The following SV2B variants were observed in gnomAD, a reference collection of about 807,000 sequenced individuals.
SV2B encodes the protein solute carrier family 22 member B2.
Under a neutral mutation model 73.9 loss-of-function variants are expected in SV2B, and 41 were observed. The observed-to-expected ratio is 0.56, with a 90% CI of 0.43 to 0.72. The LOEUF (loss-of-function observed/expected upper bound fraction) is 0.72. SV2B is among the 30% of genes least tolerant of loss of function. The pLI is 0.00. For missense variants in SV2B, 764 were observed against 857.8 expected (o/e 0.89, Z 1.37); for synonymous variants, 314 against 314.2 (o/e 1.00, Z 0.01).
chr15:91,189,346 T>C (rs1244970052), intron 1 of SV2B, among the ~76,000 whole-genome samples: 1 of 152,204 alleles, frequency 6.6e-6, no homozygotes, highest in Non-Finnish European at 1.5e-5. Context: ...CACTTATGTA[T>C]ACTCATAAAA....
chr15:91,141,747 T>TC lies in SV2B; in HGVS notation c.-392+41384_-392+41385insC, dbSNP rs963918937. Among the ~76,000 whole-genome samples, 1 of 151,018 alleles carries TC rather than the reference T, an allele frequency of 6.6e-6. No homozygotes were observed. The highest frequency in any genetic ancestry group is 2.4e-5 in the African/African-American group (1 of 41,192). On this transcript the variant is annotated intron_variant, in intron 1 of 12. Transcript: ENST00000394232. This position sits in a 1 kb window ranked among gnomAD's most constrained non-coding sequence, Gnocchi z 4.6. Reference sequence around the variant, plus strand: ...CCAAATAGTTTGGGTTTTGTTTTGTTTTTTTTTTTGGACAGAGGTCACATT... The same window carrying TC: ...CCAAATAGTTTGGGTTTTGTTTTGTTCTTTTTTTTTGGACAGAGGTCACATT...
At chr15:91,155,630 A>G (rs1159658267) in intron 1 of SV2B, among the ~76,000 whole-genome samples, 3 of 152,136 alleles carry the variant, frequency 2.0e-5, no homozygotes, top group South Asian at 4.2e-4. Context: ...TCCGAGGGTC[A>G]GGGCTGGGGA....
chr15:91,271,681 C>T (rs75047385), intron 9 of SV2B, among the ~76,000 whole-genome samples: 1,870 of 152,212 alleles, frequency 0.012, 28 homozygotes, highest in African/African-American at 0.041. Context: ...TATTTTTCTC[C>T]TTGACTGGTT....
intron 1 of SV2B, among the ~76,000 whole-genome samples, chr15:91,190,277 A>T (rs1312306412): frequency 6.6e-6 from 1 of 152,084 alleles, no homozygotes; most frequent in Non-Finnish European, 1.5e-5. Context: ...TGATCTATGT[A>T]AGTGGTCATA....
intron 1 of SV2B, among the ~76,000 whole-genome samples, chr15:91,113,986 C>T (rs935571795): frequency 6.6e-5 from 10 of 151,976 alleles, no homozygotes; most frequent in Non-Finnish European, 1.2e-4. Flanking sequence ...ACTGTAGCTC[C>T]GGTGTCTAAC....
chr15:91,289,834 G>A lies in SV2B; in HGVS notation c.1868+154G>A, dbSNP rs2048982516. On this transcript the variant is annotated intron_variant, in intron 12 of 12. Transcript: ENST00000394232. This position sits in a 1 kb window ranked among gnomAD's most constrained non-coding sequence, Gnocchi z 4.9. ...TTTTATGTTGAGCTTCTCCTGCATG[G>A]TGGATGGCATAGACCTGAAAGTTGG... Among the ~76,000 whole-genome samples, 1 of 152,210 alleles carries A rather than the reference G, an allele frequency of 6.6e-6. No individual in the cohort carries two copies. Among genetic ancestry groups the A allele is most frequent in the Non-Finnish European group, 1.5e-5 (1 of 68,044 alleles).
intron 1 of SV2B, among the ~76,000 whole-genome samples, chr15:91,222,219 G>A (rs74040127): frequency 0.016 from 2,504 of 152,160 alleles, 61 homozygotes; most frequent in African/African-American, 0.055. Flanking sequence ...GCCCTGTGTC[G>A]TCTATCTAAG....
Position 91,242,213 on chromosome 15 carries a change from C to T in SV2B, c.452-9606C>T, listed in dbSNP as rs979098670. ...TTGGCTGCTCCTTCTTGTTCTCCATCACTGGTCTCTCTTCATATTCCTGGC... is the reference window on the plus strand; with the variant it reads ...TTGGCTGCTCCTTCTTGTTCTCCATTACTGGTCTCTCTTCATATTCCTGGC... On this transcript the variant is annotated intron_variant, in intron 2 of 12. Coordinates refer to ENST00000394232, the MANE Select transcript of SV2B (RefSeq NM_001323032.3). This position sits in a 1 kb window ranked among gnomAD's most constrained non-coding sequence, Gnocchi z 4.9. 2.6e-5 allele frequency among the ~76,000 whole-genome samples: 4 copies of T among 152,350 alleles called. 1 individual carries two copies. Among genetic ancestry groups the T allele is most frequent in the Admixed American group, 6.5e-5 (1 of 15,310 alleles).
chr15:91,201,719 A>G (rs2045466227), intron 1 of SV2B, among the ~76,000 whole-genome samples: 1 of 152,152 alleles, frequency 6.6e-6, no homozygotes, highest in South Asian at 2.1e-4. Flanking sequence ...CTTTGTTGCT[A>G]TCACATCTTT....
In SV2B at chr15:91,193,995, G is replaced by GT. The variant is rs199587537; in HGVS notation, c.-391-31870dup. On this transcript the variant is annotated intron_variant, in intron 1 of 12. Transcript: ENST00000394232. ...GCTAGGTAATCACCAGGGTATAGAG[G>GT]TTTTTTTTGTTTGTTTGTTTGTTTG... 9.7e-3 allele frequency among the ~76,000 whole-genome samples: 1,472 copies of GT among 151,006 alleles called. 16 individuals are homozygous for GT. The highest frequency in any genetic ancestry group is 0.033 in the African/African-American group (1,353 of 40,752).
At position 91,124,395 on chromosome 15, in the gene SV2B, CA is replaced by C. The variant is rs1346433442; in HGVS notation, c.-392+24034del. 1.3e-5 allele frequency among the ~76,000 whole-genome samples: 2 copies of C among 152,074 alleles called. No individual in the cohort carries two copies. The highest frequency in any genetic ancestry group is 4.8e-5 in the African/African-American group (2 of 41,398). ...CCTTCCTCAGGAAGTGAGACACCTG[CA>C]ACCGAGTGTGAGGTGCAGCAGCCAA... On this transcript the variant is annotated intron_variant, in intron 1 of 12. Coordinates refer to ENST00000394232, the MANE Select transcript of SV2B (RefSeq NM_001323032.3). This position sits in a 1 kb window ranked among gnomAD's most constrained non-coding sequence, Gnocchi z 4.6.
rs2048762738 is a variant in SV2B, at chr15:91,283,830, T to C, written c.1508-191T>C. On this transcript the variant is annotated intron_variant, in intron 10 of 12. Transcript: ENST00000394232. This position sits in a 1 kb window ranked among gnomAD's most constrained non-coding sequence, Gnocchi z 4.3. ...TTAGGAACTTGAACAGGTCATTACA[T>C]TTTTGGAAGTTTCTCTCCTCATCCA... 7.5e-6 allele frequency among the ~76,000 whole-genome samples: 1 copy of C among 133,240 alleles called. No individual in the cohort carries two copies. Among genetic ancestry groups the C allele is most frequent in the Non-Finnish European group, 1.6e-5 (1 of 62,660 alleles). 87.4% of individuals were successfully genotyped at this position (133,240 alleles called of 152,430 possible).
chr15:91,243,752 T>C (rs781051138), intron 2 of SV2B, among the ~76,000 whole-genome samples: 13 of 152,166 alleles, frequency 8.5e-5, no homozygotes, highest in Non-Finnish European at 1.6e-4. Flanking sequence ...GAGAACTTCT[T>C]CCTGATTTAA....
At chr15:91,166,092 T>C (rs2043902247) in intron 1 of SV2B, among the ~76,000 whole-genome samples, 1 of 152,192 alleles carries the variant, frequency 6.6e-6, no homozygotes, top group African/African-American at 2.4e-5. Flanking sequence ...GAATTGTTGT[T>C]CCCTTAATAT....
rs531215885 is a variant in SV2B, at chr15:91,132,087, C to G, written c.-392+31724C>G. Reference sequence around the variant, plus strand: ...CAAAGAATGGGACAAAAACGCCCAGCAAAGCAAAGAAAGAATGAAGCATCA... The same window carrying G: ...CAAAGAATGGGACAAAAACGCCCAGGAAAGCAAAGAAAGAATGAAGCATCA... On this transcript the variant is annotated intron_variant, in intron 1 of 12. Transcript: ENST00000394232. The surrounding 1 kb of genome is among the most constrained non-coding windows in gnomAD (Gnocchi z 4.6). Among the ~76,000 whole-genome samples the G allele has an allele frequency of 1.3e-5, 2 of 152,084 alleles. No individual in the cohort carries two copies. The highest frequency in any genetic ancestry group is 2.9e-5 in the Non-Finnish European group (2 of 68,014).
In SV2B at chr15:91,106,373, G is replaced by A. The variant is rs1302051990; in HGVS notation, c.-392+6010G>A. Among the ~76,000 whole-genome samples, 1 of 152,200 alleles carries A rather than the reference G, an allele frequency of 6.6e-6. No individual in the cohort carries two copies. Among genetic ancestry groups the A allele is most frequent in the Non-Finnish European group, 1.5e-5 (1 of 68,042 alleles). ...GAGCCAAGTCACTGCTGTATCACTAGTGCCCAGAATATTGTCTGGCACATT... is the reference window on the plus strand; with the variant it reads ...GAGCCAAGTCACTGCTGTATCACTAATGCCCAGAATATTGTCTGGCACATT... On this transcript the variant is annotated intron_variant, in intron 1 of 12. Coordinates refer to ENST00000394232, the MANE Select transcript of SV2B (RefSeq NM_001323032.3). This position sits in a 1 kb window ranked among gnomAD's most constrained non-coding sequence, Gnocchi z 4.4.
intron 2 of SV2B, among the ~76,000 whole-genome samples, chr15:91,250,033 A>T (rs1166234593): frequency 6.6e-6 from 1 of 152,262 alleles, no homozygotes; most frequent in Non-Finnish European, 1.5e-5. Context: ...CATTACTCTG[A>T]TACCAAAGCC....
intron 1 of SV2B, among the ~76,000 whole-genome samples, chr15:91,148,575 T>C (rs542743538): frequency 2.0e-5 from 3 of 152,138 alleles, no homozygotes; most frequent in African/African-American, 7.2e-5. Flanking sequence ...GAAAGTGAGA[T>C]GAAAAGGAGA....
chr15:91,117,291 G>A (rs150438846), intron 1 of SV2B, among the ~76,000 whole-genome samples: 4 of 152,276 alleles, frequency 2.6e-5, no homozygotes, highest in African/African-American at 9.6e-5. Context: ...TAATATTAAC[G>A]AGAATTCTAT....
Sources: allele counts gnomAD v4.1 joint callset (sites outside exome capture counted in the v4.1 genomes callset), GRCh38; gene constraint gnomAD v4.1.1; non-coding constraint Gnocchi (gnomAD v3.1); transcripts MANE v1.5; gene names NCBI Gene and HGNC (gene_info 2026-07-23, HGNC 2026-07-21).